The following TSPEAR variants were observed in gnomAD, a reference collection of about 807,000 sequenced individuals.
TSPEAR encodes thrombospondin-type laminin G domain and EAR repeat-containing protein.
In TSPEAR, 69 loss-of-function variants were observed where a neutral mutation model predicts 71.6. That is an observed-to-expected ratio of 0.96 (90% CI 0.79 to 1.18). TSPEAR has a LOEUF of 1.18. Among genes scored for constraint, TSPEAR ranks in the 50% most tolerant of loss-of-function variants. TSPEAR has a pLI of 0.00. For synonymous variants in TSPEAR, 402 were observed against 387.2 expected (o/e 1.04, Z -0.45); for missense variants, 971 against 894.9 (o/e 1.09, Z -1.09).
intron 1 of TSPEAR, chr21:44,646,270 T>C (rs1330032022): frequency 1.3e-6 from 1 of 741,840 alleles, no homozygotes; most frequent in African/African-American, 1.8e-5. Context: ...CCAGCATGAA[T>C]GATGCATCTC....
At chr21:44,503,129 G>A (rs1246394017) in intron 11 of TSPEAR, among the ~76,000 whole-genome samples, 1 of 147,264 alleles carries the variant, frequency 6.8e-6, no homozygotes, top group African/African-American at 2.6e-5. Context: ...GTCCTCGGGG[G>A]GAAGCAAGGC....
chr21:44,601,882 C>T, intron 1 of TSPEAR: 1 of 1,103,828 alleles, frequency 9.1e-7, no homozygotes, highest in East Asian at 2.6e-5. Context: ...CGCTTCTCCT[C>T]CTAGAAGCAG....
chr21:44,499,477 T>C lies in TSPEAR; in HGVS notation c.*306A>G. The C allele has an allele frequency of 3.0e-6, 1 of 334,794 alleles. No homozygotes were observed. The highest frequency in any genetic ancestry group is 6.0e-5 in the East Asian group (1 of 16,574). The allele number at this position is 334,794 out of a possible 1,614,324, so 20.7% of individuals were successfully genotyped here. On this transcript the variant is annotated 3_prime_UTR_variant, in exon 12 of 12. Coordinates refer to ENST00000323084, the MANE Select transcript of TSPEAR (RefSeq NM_144991.3). ...GAGGTCCTGTTGTTTGAGGTAAAAA[T>C]GTATAGAAACGGTTCCTTGACAGCG...
Position 44,627,291 on chromosome 21 carries a change from C to T in TSPEAR, c.83-59286G>A, listed in dbSNP as rs371142199. ...GCGCCACCAGCTGCTGCGCCCCGGC[C>T]CCCTGCCTGACCCTGGTCTGCACCC... On this transcript the variant is annotated intron_variant, in intron 1 of 11. Coordinates refer to ENST00000323084, the MANE Select transcript of TSPEAR (RefSeq NM_144991.3). The T allele has an allele frequency of 2.5e-6, 4 of 1,612,500 alleles. No homozygotes were observed. In the African/African-American group the frequency reaches 5.3e-5, roughly 22 times the overall value.
At chr21:44,560,626 CAA>C (rs1403077083) in intron 2 of TSPEAR, among the ~76,000 whole-genome samples, 4 of 152,132 alleles carry the variant, frequency 2.6e-5, no homozygotes, top group African/African-American at 9.7e-5. Flanking sequence ...GAAATCATAA[CAA>C]AGTCTACCGG....
intron 1 of TSPEAR, chr21:44,675,804 C>T (rs181771911): frequency 1.8e-6 from 1 of 566,220 alleles, no homozygotes; most frequent in Non-Finnish European, 3.2e-6. Flanking sequence ...TGCGGCAAAC[C>T]CTTCATGTAT....
At chr21:44,551,760 G>A (rs587672072) in intron 2 of TSPEAR, among the ~76,000 whole-genome samples, 1 of 152,306 alleles carries the variant, frequency 6.6e-6, no homozygotes, top group South Asian at 2.1e-4. Context: ...GGAACACCAG[G>A]AGGGAAGGTG....
chr21:44,599,596 G>C (rs1446354602), intron 1 of TSPEAR, among the ~76,000 whole-genome samples: 2 of 152,200 alleles, frequency 1.3e-5, no homozygotes, highest in Non-Finnish European at 1.5e-5. Flanking sequence ...CTCAGCACCT[G>C]GTGCAATTTC....
chr21:44,557,795 C>T (rs1255082138), intron 2 of TSPEAR: 4 of 550,892 alleles, frequency 7.3e-6, no homozygotes, highest in Non-Finnish European at 3.2e-6. Context: ...TCTGAGAGGG[C>T]ACATTGGTGA....
chr21:44,597,773 T>G lies in TSPEAR; in HGVS notation c.83-29768A>C, dbSNP rs116274830. Among the ~76,000 whole-genome samples the G allele has an allele frequency of 7.8e-3, 1,183 of 152,312 alleles. 17 individuals carry two copies. The highest frequency in any genetic ancestry group is 0.027 in the African/African-American group (1,118 of 41,548). On this transcript the variant is annotated intron_variant, in intron 1 of 11. Transcript: ENST00000323084. ...CAGGCTCTGTATCTTGTAAGCAGCA[T>G]GTAGTTAGGTTTTCTACTTTTTATT... is the stretch of plus-strand genomic sequence containing the variant.
chr21:44,708,360 AG>A lies in TSPEAR; in HGVS notation c.82+3072del, dbSNP rs1178718240. 2.0e-5 allele frequency among the ~76,000 whole-genome samples: 3 copies of A among 152,214 alleles called. No individual in the cohort carries two copies. The East Asian group carries it at 5.8e-4, about 29-fold the overall frequency. ...AGGTGTCGCTGGCACACAGCCTTCCAGGAGCGGACTTGGAGACCTCGCCAAG... is the reference window on the plus strand; with the variant it reads ...AGGTGTCGCTGGCACACAGCCTTCCAGAGCGGACTTGGAGACCTCGCCAAG... On this transcript the variant is annotated intron_variant, in intron 1 of 11. Transcript: ENST00000323084.
intron 2 of TSPEAR, chr21:44,539,236 A>T (rs1555916759): frequency 1.3e-6 from 2 of 1,571,638 alleles, no homozygotes; most frequent in Admixed American, 3.5e-5. Context: ...CCAGGTCAGG[A>T]ACTGAGCCCA....
At chr21:44,705,277 G>A (rs1555952152) in intron 1 of TSPEAR, among the ~76,000 whole-genome samples, 1 of 152,094 alleles carries the variant, frequency 6.6e-6, no homozygotes, top group Non-Finnish European at 1.5e-5. Flanking sequence ...AGTTGAGGAG[G>A]GTGTATATCA....
At chr21:44,663,042 T>A (rs1985578366) in intron 1 of TSPEAR, among the ~76,000 whole-genome samples, 1 of 151,582 alleles carries the variant, frequency 6.6e-6, no homozygotes, top group Non-Finnish European at 1.5e-5. Context: ...TTATCTAAGT[T>A]TGCACTTTAA....
intron 1 of TSPEAR, among the ~76,000 whole-genome samples, chr21:44,662,988 T>C (rs1985574723): frequency 6.6e-6 from 1 of 151,962 alleles, no homozygotes. Context: ...TAAAATTATA[T>C]CATTAAGTGC....
Position 44,658,485 on chromosome 21 carries a change from A to G in TSPEAR, c.82+52948T>C, listed in dbSNP as rs76805696. ...GCTGCCAGAGTCCTTCTCTCACTCC[A>G]GCAGGAAACTAAAACCCATGTGAGC... On this transcript the variant is annotated intron_variant, in intron 1 of 11. Transcript: ENST00000323084. 3.0e-3 allele frequency: 1,765 copies of G among 592,162 alleles called. 38 individuals are homozygous for G. Among genetic ancestry groups the G allele is most frequent in the African/African-American group, 0.029 (1,541 of 53,904 alleles). 36.7% of individuals were successfully genotyped at this position (592,162 alleles called of 1,614,324 possible).
chr21:44,567,802 G>T lies in TSPEAR; in HGVS notation c.286C>A (p.Pro96Thr). 2 of 1,578,936 alleles carry T rather than the reference G, an allele frequency of 1.3e-6. No individual in the cohort carries two copies. The highest frequency in any genetic ancestry group is 2.3e-5 in the South Asian group (2 of 86,856). The change falls in exon 2 of 12, where the codon CCC becomes ACC. Residue 96 changes from proline to threonine, a missense_variant. Physicochemically the swap from Pro to Thr is conservative, Grantham distance 38 (BLOSUM62 -1). Coordinates refer to ENST00000323084, the MANE Select transcript of TSPEAR (RefSeq NM_144991.3). ...CCACTGACCTTGGGTGGAAGATTGG[G>T]AACTCTCAAAGTTACGACGATGGAA... Reference protein sequence around the residue: ...EFSIVVTLRVPNLPPKRNEYL... With the variant: ...EFSIVVTLRVTNLPPKRNEYL...
chr21:44,707,582 A>T (rs996180209), intron 1 of TSPEAR, among the ~76,000 whole-genome samples: 3 of 151,570 alleles, frequency 2.0e-5, no homozygotes, highest in Non-Finnish European at 4.4e-5. Context: ...CCTGATGACC[A>T]TGGGGGCGGA....
intron 1 of TSPEAR, chr21:44,627,122 C>T (rs1429817637): frequency 1.3e-6 from 2 of 1,588,238 alleles, no homozygotes; most frequent in Non-Finnish European, 1.7e-6. Context: ...CACTGACACA[C>T]TCACACACTC....
Sources: gnomAD v4.1 joint callset for allele counts (sites outside exome capture counted in the v4.1 genomes callset) on GRCh38, gnomAD v4.1.1 for gene constraint, MANE v1.5 for transcripts, NCBI Gene and HGNC (gene_info 2026-07-23, HGNC 2026-07-21) for gene names.